SPATA6: variants seen among roughly 807,000 people sequenced by gnomAD.
SPATA6 encodes the protein spermatogenesis associated 6, also known as spermatogenesis-associated protein 6.
In SPATA6, 56 loss-of-function variants were observed where a neutral mutation model predicts 65.3. That is an observed-to-expected ratio of 0.86 (90% CI 0.69 to 1.07). The LOEUF is 1.07. Among genes scored for constraint, SPATA6 ranks in the 50% least tolerant of loss-of-function variants. SPATA6 has a pLI of 0.00. For missense variants in SPATA6, 590 were observed against 594.8 expected (o/e 0.99, Z 0.08); for synonymous variants, 199 against 213.2 (o/e 0.93, Z 0.58).
At chr1:48,318,080 A>T (rs1645491822) in intron 11 of SPATA6, among the ~76,000 whole-genome samples, 1 of 152,236 alleles carries the variant, frequency 6.6e-6, no homozygotes, top group African/African-American at 2.4e-5. Context: ...ATGCAGGGAA[A>T]GCATTTGACA....
At chr1:48,408,856 C>A (rs549807223) in intron 5 of SPATA6, among the ~76,000 whole-genome samples, 1 of 152,202 alleles carries the variant, frequency 6.6e-6, no homozygotes, top group African/African-American at 2.4e-5. Flanking sequence ...AGACCCATCC[C>A]CATGATTCAA....
chr1:48,372,886 G>A (rs376897596), intron 9 of SPATA6, among the ~76,000 whole-genome samples: 2 of 152,190 alleles, frequency 1.3e-5, no homozygotes, highest in East Asian at 1.9e-4. Context: ...GGCTTTAGTG[G>A]CTGAGACACA....
intron 3 of SPATA6, among the ~76,000 whole-genome samples, chr1:48,449,928 T>C (rs1335664119): frequency 6.6e-6 from 1 of 152,164 alleles, no homozygotes; most frequent in Non-Finnish European, 1.5e-5. Context: ...TGTAATAAGA[T>C]TGGCAAAATG....
At chr1:48,381,646 T>TCC (rs1648602856) in intron 9 of SPATA6, among the ~76,000 whole-genome samples, 1 of 112,492 alleles carries the variant, frequency 8.9e-6, no homozygotes, top group Non-Finnish European at 1.8e-5. Flanking sequence ...GCTATGGTTT[T>TCC]TCTTTTTTTT....
At chr1:48,364,753 G>A (rs935854795) in intron 9 of SPATA6, among the ~76,000 whole-genome samples, 1 of 152,260 alleles carries the variant, frequency 6.6e-6, no homozygotes, top group Non-Finnish European at 1.5e-5. Context: ...TAGGTTGCCT[G>A]TTCACTCTGA....
intron 12 of SPATA6, among the ~76,000 whole-genome samples, chr1:48,301,585 A>G (rs1644940370): frequency 6.6e-6 from 1 of 152,054 alleles, no homozygotes; most frequent in African/African-American, 2.4e-5. Flanking sequence ...ATCCTGAGCA[A>G]ACAGAACGAA....
chr1:48,369,678 T>C (rs1165334095), intron 9 of SPATA6, among the ~76,000 whole-genome samples: 1 of 152,214 alleles, frequency 6.6e-6, no homozygotes, highest in Non-Finnish European at 1.5e-5. Flanking sequence ...GTGCCGTCTG[T>C]CACCCCTTTC....
At chr1:48,339,741 A>G (rs1646156017) in intron 11 of SPATA6, among the ~76,000 whole-genome samples, 1 of 152,078 alleles carries the variant, frequency 6.6e-6, no homozygotes, top group South Asian at 2.1e-4. Flanking sequence ...ATAGAATGAT[A>G]AAAATTGGAA....
In SPATA6 at chr1:48,314,129, C is replaced by T. The variant is rs182727481; in HGVS notation, c.1195-8251G>A. ...ACCCCACTGTCAACATTAGACAGAT[C>T]AACGAGACACAAAGTTAACAAGGAT... On this transcript the variant is annotated intron_variant, in intron 11 of 12. Coordinates refer to ENST00000371847, the MANE Select transcript of SPATA6 (RefSeq NM_019073.4). 2.0e-3 allele frequency among the ~76,000 whole-genome samples: 311 copies of T among 152,208 alleles called. 1 individual carries two copies. Among genetic ancestry groups the T allele is most frequent in the Non-Finnish European group, 3.7e-3 (251 of 68,014 alleles).
intron 3 of SPATA6, among the ~76,000 whole-genome samples, chr1:48,443,715 A>T (rs756459280): frequency 6.6e-6 from 1 of 152,174 alleles, no homozygotes; most frequent in Non-Finnish European, 1.5e-5. Flanking sequence ...AAATCAGACA[A>T]CGCCTGTCAA....
intron 11 of SPATA6, among the ~76,000 whole-genome samples, chr1:48,334,711 T>C (rs898896056): frequency 6.6e-6 from 1 of 152,152 alleles, no homozygotes; most frequent in African/African-American, 2.4e-5. Context: ...GCATTCCACT[T>C]GAAAATCGGC....
intron 12 of SPATA6, among the ~76,000 whole-genome samples, chr1:48,299,768 T>C (rs760490975): frequency 2.0e-5 from 3 of 152,074 alleles, no homozygotes; most frequent in Non-Finnish European, 4.4e-5. Flanking sequence ...TAGAAGTTGG[T>C]AGATATAGAA....
chr1:48,455,421 C>T lies in SPATA6; in HGVS notation c.52-2290G>A, dbSNP rs547900075. Among the ~76,000 whole-genome samples the T allele has an allele frequency of 4.7e-5, 7 of 148,958 alleles. No individual in the cohort carries two copies. The East Asian group carries it at 7.8e-4, about 17-fold the overall frequency. ...TGAGACAGTGTCTCACTCTGTCTGT[C>T]GTCCAGGCTGCAGTACAGTGGCACG... On this transcript the variant is annotated intron_variant, in intron 1 of 12. Coordinates refer to ENST00000371847, the MANE Select transcript of SPATA6 (RefSeq NM_019073.4).
chr1:48,357,757 C>T (rs997610011), intron 10 of SPATA6, among the ~76,000 whole-genome samples: 1 of 151,882 alleles, frequency 6.6e-6, no homozygotes, highest in South Asian at 2.1e-4. Context: ...TTTTTGTTCC[C>T]AGTAGTACGT....
At chr1:48,283,313 C>A in the SPATA6 span, among the ~76,000 whole-genome samples, 2 of 150,782 alleles carry the variant, frequency 1.3e-5, no homozygotes, top group Admixed American at 6.6e-5. Flanking sequence ...TGCACATGTA[C>A]CCCCAAAATT....
chr1:48,411,227 G>GT (rs1199172002), intron 5 of SPATA6, among the ~76,000 whole-genome samples: 1 of 152,096 alleles, frequency 6.6e-6, no homozygotes, highest in Non-Finnish European at 1.5e-5. Flanking sequence ...ATTTCAATAT[G>GT]TTTAAGTAAC....
intron 6 of SPATA6, among the ~76,000 whole-genome samples, chr1:48,400,001 C>T (rs1369039423): frequency 2.0e-5 from 3 of 151,706 alleles, no homozygotes; most frequent in South Asian, 2.1e-4. Context: ...TTTAAATATT[C>T]GTGTAATTGG....
chr1:48,400,882 C>A, intron 6 of SPATA6: 1 of 1,225,058 alleles, frequency 8.2e-7, no homozygotes, highest in South Asian at 1.5e-5. Flanking sequence ...ATTTTTCTAC[C>A]ATATCCATTT....
At chr1:48,418,075 C>A (rs1036186967) in intron 3 of SPATA6, among the ~76,000 whole-genome samples, 6 of 151,964 alleles carry the variant, frequency 3.9e-5, no homozygotes, top group Admixed American at 1.3e-4. Context: ...TTTCTTAATT[C>A]TCTATATTGT....
Sources: allele counts gnomAD v4.1 joint callset (sites outside exome capture counted in the v4.1 genomes callset), GRCh38; gene constraint gnomAD v4.1.1; transcripts MANE v1.5; gene names NCBI Gene and HGNC (gene_info 2026-07-23, HGNC 2026-07-21).